Variants in SPSB1 observed in about 807,000 individuals in gnomAD.
The protein encoded by SPSB1 is splA/ryanodine receptor domain and SOCS box containing 1, also known as SPRY domain-containing SOCS box protein 1.
A neutral mutation model predicts 21.2 loss-of-function variants in SPSB1; 8 were observed. The observed-to-expected ratio is 0.38, with a 90% CI of 0.22 to 0.68. The LOEUF (loss-of-function observed/expected upper bound fraction) is 0.68, where lower values mean the gene tolerates loss of function less well. Ranked by LOEUF, SPSB1 falls within the 30% of genes least tolerant of loss-of-function variation. The pLI is 0.53. For synonymous variants in SPSB1, 169 were observed against 161.7 expected (o/e 1.05, Z -0.34); for missense variants, 242 against 377.8 (o/e 0.64, Z 2.98).
intron 1 of SPSB1, among the ~76,000 whole-genome samples, chr1:9,347,681 G>A (rs569468522): frequency 7.7e-4 from 118 of 152,290 alleles, no homozygotes; most frequent in Non-Finnish European, 1.3e-3. Context: ...ATGGAGCTCC[G>A]TGGTGTAGAT....
In SPSB1 at chr1:9,293,904, GTGTC is replaced by G. The variant is rs1353395940; in HGVS notation, c.-150+837_-150+840del. 2.0e-5 allele frequency among the ~76,000 whole-genome samples: 3 copies of G among 152,178 alleles called. No individual in the cohort carries two copies. Among genetic ancestry groups the G allele is most frequent in the African/African-American group, 7.2e-5 (3 of 41,436 alleles). On this transcript the variant is annotated intron_variant, in intron 1 of 2. Transcript: ENST00000328089. This position sits in a 1 kb window ranked among gnomAD's most constrained non-coding sequence, Gnocchi z 5.1. Reference sequence around the variant, plus strand: ...TGTGAATATGTGCCTGCGTATGAGTGTGTCTGTGTGTTCATGTGGGTGTGTGTGT... The same window carrying G: ...TGTGAATATGTGCCTGCGTATGAGTGTGTGTGTTCATGTGGGTGTGTGTGT...
chr1:9,293,343 G>A lies in SPSB1; in HGVS notation c.-150+272G>A, dbSNP rs1176789302. 6.7e-6 allele frequency among the ~76,000 whole-genome samples: 1 copy of A among 150,280 alleles called. No homozygotes were observed. The highest frequency in any genetic ancestry group is 1.5e-5 in the Non-Finnish European group (1 of 67,296). ...GCGCTGCCGCCGCTGCAGGGCAGGGGGTCCCGGGGCGAGGCGCGGCGGGGG... is the reference window on the plus strand; with the variant it reads ...GCGCTGCCGCCGCTGCAGGGCAGGGAGTCCCGGGGCGAGGCGCGGCGGGGG... On this transcript the variant is annotated intron_variant, in intron 1 of 2. Transcript: ENST00000328089. This position sits in a 1 kb window ranked among gnomAD's most constrained non-coding sequence, Gnocchi z 5.1.
chr1:9,306,162 A>G (rs527575124), intron 1 of SPSB1, among the ~76,000 whole-genome samples: 2 of 152,162 alleles, frequency 1.3e-5, no homozygotes, highest in African/African-American at 4.8e-5. Flanking sequence ...CCCACAGGGC[A>G]GGGACTGAGG....
chr1:9,353,281 A>G (rs533704488), intron 1 of SPSB1, among the ~76,000 whole-genome samples: 5 of 152,116 alleles, frequency 3.3e-5, no homozygotes, highest in African/African-American at 1.2e-4. Flanking sequence ...AGGGGAATTC[A>G]GGGAAGGCCA....
chr1:9,333,767 A>G (rs963402584), intron 1 of SPSB1, among the ~76,000 whole-genome samples: 2 of 152,152 alleles, frequency 1.3e-5, no homozygotes, highest in African/African-American at 2.4e-5. Flanking sequence ...GAGGTTGCCA[A>G]AGAGACCCAA....
Position 9,345,658 on chromosome 1 carries a change from C to T in SPSB1, c.-149-10085C>T, listed in dbSNP as rs771170841. The stretch of plus-strand genomic sequence containing the variant: ...GCTGGTTTCCCAGGCCATGGCTCCA[C>T]TGATTCGAGCCCTCTGAAAGTGCTG... On this transcript the variant is annotated intron_variant, in intron 1 of 2. Coordinates refer to ENST00000328089, the MANE Select transcript of SPSB1 (RefSeq NM_025106.4). This position sits in a 1 kb window ranked among gnomAD's most constrained non-coding sequence, Gnocchi z 4.8. Among the ~76,000 whole-genome samples, 4 of 152,302 alleles carry T rather than the reference C, an allele frequency of 2.6e-5. No individual in the cohort carries two copies. The highest frequency in any genetic ancestry group is 3.4e-3 in the Middle Eastern group (1 of 294).
intron 1 of SPSB1, among the ~76,000 whole-genome samples, chr1:9,350,848 G>C (rs995268003): frequency 3.3e-5 from 5 of 152,238 alleles, no homozygotes; most frequent in Non-Finnish European, 7.3e-5. Context: ...TTGCTTCTCA[G>C]AGCAGCAGTA....
At chr1:9,359,734 C>T (rs1640434760) in intron 2 of SPSB1, among the ~76,000 whole-genome samples, 1 of 146,258 alleles carries the variant, frequency 6.8e-6, no homozygotes, top group African/African-American at 2.5e-5. Flanking sequence ...ATCATTCTGG[C>T]TGCTCTATAG....
At chr1:9,344,308 T>G (rs72860869) in intron 1 of SPSB1, among the ~76,000 whole-genome samples, 21,374 of 152,202 alleles carry the variant, frequency 0.14, 2,342 homozygotes, top group African/African-American at 0.3. Flanking sequence ...ATCTCTGAGT[T>G]CCCAGGTGAC....
At chr1:9,352,225 GGACA>G (rs1557463398) in intron 1 of SPSB1, among the ~76,000 whole-genome samples, 4 of 152,226 alleles carry the variant, frequency 2.6e-5, no homozygotes, top group African/African-American at 7.2e-5. Flanking sequence ...GAGCCGACCT[GGACA>G]GACAGACAGT....
chr1:9,329,072 T>G (rs1451106532), intron 1 of SPSB1, among the ~76,000 whole-genome samples: 1 of 152,150 alleles, frequency 6.6e-6, no homozygotes, highest in Non-Finnish European at 1.5e-5. Flanking sequence ...TTGCTGGAGC[T>G]CTGGCAGATG....
At chr1:9,302,224 A>G (rs1639341446) in intron 1 of SPSB1, among the ~76,000 whole-genome samples, 1 of 152,200 alleles carries the variant, frequency 6.6e-6, no homozygotes, top group Admixed American at 6.5e-5. Flanking sequence ...TAAGGGGTGG[A>G]CCTGTGATGA....
intron 1 of SPSB1, among the ~76,000 whole-genome samples, chr1:9,312,010 G>A (rs1639528625): frequency 6.6e-6 from 1 of 152,040 alleles, no homozygotes; most frequent in South Asian, 2.1e-4. Context: ...CGTTGGCCCT[G>A]CCTGTCTCTG....
intron 1 of SPSB1, among the ~76,000 whole-genome samples, chr1:9,337,850 C>T (rs975139839): frequency 5.9e-5 from 9 of 152,178 alleles, no homozygotes; most frequent in Admixed American, 3.3e-4. Flanking sequence ...CTGCTCTAGC[C>T]GAAGATCAGC....
At chr1:9,323,603 C>T (rs1366889192) in intron 1 of SPSB1, among the ~76,000 whole-genome samples, 5 of 152,160 alleles carry the variant, frequency 3.3e-5, no homozygotes, top group East Asian at 3.9e-4. Context: ...GTAAACAAAG[C>T]GGAGAAGGGA....
intron 1 of SPSB1, among the ~76,000 whole-genome samples, chr1:9,338,131 C>T (rs533076842): frequency 3.3e-5 from 5 of 152,240 alleles, no homozygotes; most frequent in Non-Finnish European, 7.3e-5. Context: ...TGCAGGTCCC[C>T]TGTCCCCTCG....
At chr1:9,340,799 C>A (rs1438473611) in intron 1 of SPSB1, among the ~76,000 whole-genome samples, 1 of 152,272 alleles carries the variant, frequency 6.6e-6, no homozygotes, top group Non-Finnish European at 1.5e-5. Context: ...AGAGGAAATA[C>A]CTTTCTCAAC....
intron 1 of SPSB1, among the ~76,000 whole-genome samples, chr1:9,328,086 A>G (rs2100489887): frequency 6.6e-6 from 1 of 152,346 alleles, no homozygotes; most frequent in Non-Finnish European, 1.5e-5. Flanking sequence ...GGAGCAGGTG[A>G]TGAACAGCCC....
chr1:9,359,849 G>GGT (rs1553128812), intron 2 of SPSB1, among the ~76,000 whole-genome samples: 2 of 151,142 alleles, frequency 1.3e-5, no homozygotes, highest in Non-Finnish European at 1.5e-5. Context: ...ATGGAAGCCG[G>GGT]GGGGGTGGGT....
Sources: gnomAD v4.1 joint callset for allele counts (sites outside exome capture counted in the v4.1 genomes callset) on GRCh38, gnomAD v4.1.1 for gene constraint, Gnocchi (gnomAD v3.1) non-coding constraint, MANE v1.5 for transcripts, NCBI Gene and HGNC (gene_info 2026-07-23, HGNC 2026-07-21) for gene names.